L2HGDH: variants seen among roughly 807,000 people sequenced by gnomAD.
L2HGDH encodes L-2-hydroxyglutarate dehydrogenase, also known as L-2-hydroxyglutarate dehydrogenase, mitochondrial.
L2HGDH carries 34 observed loss-of-function variants against 51.5 expected under a neutral mutation model. The observed-to-expected ratio is 0.66, with a 90% CI of 0.50 to 0.88. The LOEUF (loss-of-function observed/expected upper bound fraction) is 0.88. Ranked by LOEUF, L2HGDH falls within the 40% of genes least tolerant of loss-of-function variation. The pLI, the probability that L2HGDH is intolerant of heterozygous loss-of-function variation, is 0.00. For missense variants in L2HGDH, 558 were observed against 571.9 expected, an observed-to-expected ratio of 0.98 and a Z score of 0.25; for synonymous variants, 198 against 197.9, an observed-to-expected ratio of 1.00 and a Z score of -0.01.
At chr14:50,303,249 C>G (rs977370429) in intron 1 of L2HGDH, among the ~76,000 whole-genome samples, 5 of 152,042 alleles carry the variant, frequency 3.3e-5, no homozygotes, top group African/African-American at 1.2e-4. Context: ...TGGTGAAACC[C>G]CGTCTCTACT....
chr14:50,250,774 G>T (rs974745485), intron 9 of L2HGDH, among the ~76,000 whole-genome samples: 3 of 152,232 alleles, frequency 2.0e-5, no homozygotes, highest in Non-Finnish European at 4.4e-5. Flanking sequence ...GTGATCCAGA[G>T]AATTCTTCTG....
At chr14:50,281,847 TTGTG>T (rs369007776) in intron 5 of L2HGDH, among the ~76,000 whole-genome samples, 25 of 151,676 alleles carry the variant, frequency 1.6e-4, no homozygotes, top group African/African-American at 5.3e-4. Flanking sequence ...TTTATTTTTT[TTGTG>T]TGTGTGTGTG....
At chr14:50,292,085 C>A (rs962909916) in intron 4 of L2HGDH, among the ~76,000 whole-genome samples, 2 of 150,990 alleles carry the variant, frequency 1.3e-5, no homozygotes, top group African/African-American at 4.9e-5. Flanking sequence ...AATACAAATT[C>A]TTTGTAGATA....
intron 7 of L2HGDH, 56 bp downstream of exon 7, chr14:50,269,107 C>T: frequency 7.0e-7 from 1 of 1,423,234 alleles, no homozygotes; most frequent in Non-Finnish European, 9.8e-7. Flanking sequence ...TTTTCATCTC[C>T]TTTATGACCA....
intron 9 of L2HGDH, among the ~76,000 whole-genome samples, chr14:50,256,504 G>A (rs1435957587): frequency 2.7e-5 from 4 of 147,870 alleles, no homozygotes; most frequent in Non-Finnish European, 3.0e-5. Context: ...GTGACAGGGC[G>A]AGAGCCTGTC....
At chr14:50,258,282 C>G (rs1321748123) in intron 9 of L2HGDH, among the ~76,000 whole-genome samples, 1 of 151,898 alleles carries the variant, frequency 6.6e-6, no homozygotes, top group African/African-American at 2.4e-5. Flanking sequence ...GTGGCACAAT[C>G]ACAACTTACT....
chr14:50,304,253 T>C (rs1229225451), intron 1 of L2HGDH, among the ~76,000 whole-genome samples: 1 of 152,232 alleles, frequency 6.6e-6, no homozygotes, highest in Non-Finnish European at 1.5e-5. Flanking sequence ...GTATCACCAC[T>C]GTACATGCAG....
intron 7 of L2HGDH, among the ~76,000 whole-genome samples, chr14:50,268,681 G>A (rs868798943): frequency 3.9e-5 from 6 of 152,220 alleles, no homozygotes; most frequent in South Asian, 4.1e-4. Flanking sequence ...CATCTGGTTC[G>A]ACCTAATATA....
intron 1 of L2HGDH, among the ~76,000 whole-genome samples, chr14:50,309,806 A>T (rs1244633253): frequency 6.7e-6 from 1 of 149,864 alleles, no homozygotes; most frequent in Non-Finnish European, 1.5e-5. Flanking sequence ...CCTCAGCCCC[A>T]CAAGTGGCTG....
rs1243383170 is a variant in L2HGDH at position 50,245,291 on chromosome 14, T to C, written c.*1767A>G. 1 of 984,988 alleles carries C rather than the reference T, an allele frequency of 1.0e-6. No individual in the cohort carries two copies. The highest frequency in any genetic ancestry group is 1.7e-5 in the African/African-American group (1 of 57,336). The allele number at this position is 984,988 out of a possible 1,614,324, so 61.0% of individuals were successfully genotyped here. On this transcript the variant is annotated 3_prime_UTR_variant, in exon 10 of 10. Coordinates refer to ENST00000267436, the MANE Select transcript of L2HGDH (RefSeq NM_024884.3). The stretch of plus-strand genomic sequence containing the variant: ...ATAATAGATAAATAACTTTTTTAAA[T>C]TGGAGTTCTATACATCAGTGTCAGG...
At chr14:50,310,873 C>G (rs1183377428) in intron 1 of L2HGDH, among the ~76,000 whole-genome samples, 1 of 152,056 alleles carries the variant, frequency 6.6e-6, no homozygotes, top group East Asian at 1.9e-4. Flanking sequence ...CACGCAGCAG[C>G]CAGAGTCAAC....
chr14:50,270,332 C>T (rs1459512164), intron 6 of L2HGDH, among the ~76,000 whole-genome samples: 1 of 152,194 alleles, frequency 6.6e-6, no homozygotes, highest in Non-Finnish European at 1.5e-5. Context: ...ATTTATCCCG[C>T]ATTCACCACC....
rs1468797595 is a variant in L2HGDH, at chr14:50,244,087, G to C, written c.*2971C>G. The C allele has an allele frequency of 2.6e-5, 4 of 151,784 alleles. No homozygotes were observed. The highest frequency in any genetic ancestry group is 5.9e-5 in the Non-Finnish European group (4 of 68,008). The allele number at this position is 151,784 out of a possible 1,614,324, so 9.4% of individuals were successfully genotyped here. A position where few individuals can be genotyped will look rare whatever the true frequency, so the allele number is the denominator to read the frequency against. The stretch of plus-strand genomic sequence containing the variant: ...TTTCTTAATCCAGTCTATCGTTGTT[G>C]GACATTTGGGTTGGTTCCAAGTCTT... On this transcript the variant is annotated 3_prime_UTR_variant, in exon 10 of 10. Transcript: ENST00000267436.
chr14:50,244,563 A>G lies in L2HGDH; in HGVS notation c.*2495T>C, dbSNP rs1184296301. ...TTCTTGCAGGAATCAGCTGTTATAA[A>G]GAAACATTAGGGCTTGTTTCTTCTG... On this transcript the variant is annotated 3_prime_UTR_variant, in exon 10 of 10. Coordinates refer to ENST00000267436, the MANE Select transcript of L2HGDH (RefSeq NM_024884.3). The G allele has an allele frequency of 1.3e-5, 13 of 985,370 alleles. No individual in the cohort carries two copies. Among genetic ancestry groups the G allele is most frequent in the Non-Finnish European group, 1.6e-5 (13 of 829,950 alleles). The allele number at this position is 985,370 out of a possible 1,614,324, so 61.0% of individuals were successfully genotyped here.
At chr14:50,262,428 C>CAA (rs10710877) in intron 9 of L2HGDH, among the ~76,000 whole-genome samples, 32 of 113,556 alleles carry the variant, frequency 2.8e-4, no homozygotes, top group Admixed American at 1.5e-3. Context: ...GACTCTGTCT[C>CAA]AAAAAAAAAA....
chr14:50,295,113 A>G (rs922947300), intron 3 of L2HGDH, among the ~76,000 whole-genome samples: 7 of 152,250 alleles, frequency 4.6e-5, no homozygotes, highest in Non-Finnish European at 1.0e-4. Flanking sequence ...AAGGTCTAGT[A>G]TTTAGAATAT....
rs1887954186 is a variant in L2HGDH, at chr14:50,245,494, T to C, written c.*1564A>G. ...TAAAGGCTTTGAGTTTGTTTTGTTATTTCCTACAAATATTATAATTAAGAT... is the reference window on the plus strand; with the variant it reads ...TAAAGGCTTTGAGTTTGTTTTGTTACTTCCTACAAATATTATAATTAAGAT... On this transcript the variant is annotated 3_prime_UTR_variant, in exon 10 of 10. Coordinates refer to ENST00000267436, the MANE Select transcript of L2HGDH (RefSeq NM_024884.3). 1.0e-6 allele frequency: 1 copy of C among 979,528 alleles called. No homozygotes were observed. The highest frequency in any genetic ancestry group is 1.2e-6 in the Non-Finnish European group (1 of 824,552). The allele number at this position is 979,528 out of a possible 1,614,324, so 60.7% of individuals were successfully genotyped here. A position where few individuals can be genotyped will look rare whatever the true frequency, so the allele number is the denominator to read the frequency against.
chr14:50,289,131 AT>A (rs1174400051), intron 4 of L2HGDH, among the ~76,000 whole-genome samples: 2 of 152,118 alleles, frequency 1.3e-5, no homozygotes, highest in Non-Finnish European at 2.9e-5. Context: ...TAATTTCTTA[AT>A]TTTAATACTA....
intron 5 of L2HGDH, among the ~76,000 whole-genome samples, chr14:50,280,835 G>C (rs372733972): frequency 6.6e-6 from 1 of 151,918 alleles, no homozygotes; most frequent in South Asian, 2.1e-4. Flanking sequence ...ATTTTTTTGA[G>C]ACAAGGTCTC....
Sources: allele counts gnomAD v4.1 joint callset (sites outside exome capture counted in the v4.1 genomes callset), GRCh38; gene constraint gnomAD v4.1.1; transcripts MANE v1.5; gene names NCBI Gene and HGNC (gene_info 2026-07-23, HGNC 2026-07-21).